Variants in KDM2B observed in about 807,000 individuals in gnomAD.
KDM2B encodes the protein lysine demethylase 2B, also known as lysine-specific demethylase 2B.
KDM2B carries 26 observed loss-of-function variants against 150.0 expected under a neutral mutation model. The ratio of observed to expected loss-of-function variants is 0.17; its 90% confidence interval spans 0.13 to 0.24. The LOEUF is 0.24. KDM2B is among the 10% of genes least tolerant of loss of function. The probability of loss-of-function intolerance (pLI) is 1.00; values close to 1 mark genes in which losing one functional copy is unlikely to be tolerated. For synonymous variants in KDM2B, 734 were observed against 729.5 expected (o/e 1.01, Z -0.10); for missense variants, 1,265 against 1,816.9 (o/e 0.70, Z 5.52).
At position 121,549,287 on chromosome 12, in the gene KDM2B, A is replaced by G. The variant is rs1889305568; in HGVS notation, c.576+173T>C. 6.6e-6 allele frequency among the ~76,000 whole-genome samples: 1 copy of G among 152,144 alleles called. No individual in the cohort carries two copies. The highest frequency in any genetic ancestry group is 2.1e-4 in the South Asian group (1 of 4,830). ...CAAGGCCAGCCTGGGCAACATAGCA[A>G]GATCCCTGTCTCTACAAACCACGTT... is the stretch of plus-strand genomic sequence containing the variant. On this transcript the variant is annotated intron_variant, in intron 5 of 22. Coordinates refer to ENST00000377071, the MANE Select transcript of KDM2B (RefSeq NM_032590.5). This position sits in a 1 kb window ranked among gnomAD's most constrained non-coding sequence, Gnocchi z 4.4.
intron 4 of KDM2B, among the ~76,000 whole-genome samples, chr12:121,552,501 T>C (rs1555311956): frequency 6.6e-6 from 1 of 151,842 alleles, no homozygotes; most frequent in Non-Finnish European, 1.5e-5. Context: ...GGCAAAACCC[T>C]ATCTCTACTA....
In KDM2B at chr12:121,430,006, C is replaced by T. The variant is rs782232022; in HGVS notation, c.*282G>A. The T allele has an allele frequency of 1.8e-5, 17 of 963,980 alleles. No individual in the cohort carries two copies. The highest frequency in any genetic ancestry group is 1.0e-4 in the South Asian group (8 of 76,276). The allele number at this position is 963,980 out of a possible 1,614,324, so 59.7% of individuals were successfully genotyped here. A position where few individuals can be genotyped will look rare whatever the true frequency, so the allele number is the denominator to read the frequency against. On this transcript the variant is annotated 3_prime_UTR_variant, in exon 23 of 23. Coordinates refer to ENST00000377071, the MANE Select transcript of KDM2B (RefSeq NM_032590.5). The surrounding 1 kb of genome is among the most constrained non-coding windows in gnomAD (Gnocchi z 4.4). ...TCATGCTTCAGTATGAGAATTTCTCCGAAGTCCACCCTCCTCTCCGACAGG... is the reference window on the plus strand; with the variant it reads ...TCATGCTTCAGTATGAGAATTTCTCTGAAGTCCACCCTCCTCTCCGACAGG...
chr12:121,485,977 A>G (rs1555298838), intron 12 of KDM2B, among the ~76,000 whole-genome samples: 3 of 151,726 alleles, frequency 2.0e-5, no homozygotes, highest in African/African-American at 7.3e-5. Context: ...GGGTTTCACC[A>G]TGTTTGCCAG....
the KDM2B span, chr12:121,417,628 G>A: frequency 1.2e-6 from 2 of 1,614,158 alleles, no homozygotes; most frequent in Non-Finnish European, 1.7e-6. The surrounding 1 kb of genome is among the most constrained non-coding windows in gnomAD (Gnocchi z 5.0). Context: ...CAGTTAATGC[G>A]ACTGAAGGTG....
At position 121,549,979 on chromosome 12, in the gene KDM2B, C is replaced by A. The variant is rs1003630002; in HGVS notation, c.398-341G>T. On this transcript the variant is annotated intron_variant, in intron 4 of 22. Coordinates refer to ENST00000377071, the MANE Select transcript of KDM2B (RefSeq NM_032590.5). The surrounding 1 kb of genome is among the most constrained non-coding windows in gnomAD (Gnocchi z 4.4). ...TCACCTGAGGTCAGGAGTTTGAGAC[C>A]AGCCTGGCCAACATGGTGAAACCCT... Among the ~76,000 whole-genome samples, 4 of 152,268 alleles carry A rather than the reference C, an allele frequency of 2.6e-5. No homozygotes were observed. The highest frequency in any genetic ancestry group is 9.6e-5 in the African/African-American group (4 of 41,578).
chr12:121,445,478 G>A (rs1219883063), intron 13 of KDM2B, 60 bp from the exon 14 acceptor site: 2 of 1,507,732 alleles, frequency 1.3e-6, no homozygotes, highest in South Asian at 1.3e-5. Flanking sequence ...ACCCCCAGGG[G>A]GGCCAGTTCA....
At chr12:121,443,529 A>C in intron 17 of KDM2B, 151 bp downstream of exon 17, 1 of 641,766 alleles carries the variant, frequency 1.6e-6, no homozygotes, top group Admixed American at 2.5e-5. Flanking sequence ...CCAGGCCCCA[A>C]GCCAGAACCA....
At chr12:121,466,251 C>A (rs1879898408) in intron 12 of KDM2B, among the ~76,000 whole-genome samples, 1 of 152,194 alleles carries the variant, frequency 6.6e-6, no homozygotes, top group African/African-American at 2.4e-5. Flanking sequence ...CATGCTAACT[C>A]AATCCATCCC....
At chr12:121,566,331 AC>A (rs1267408278) in intron 4 of KDM2B, among the ~76,000 whole-genome samples, 1 of 152,116 alleles carries the variant, frequency 6.6e-6, no homozygotes, top group Non-Finnish European at 1.5e-5. Context: ...TACTCAAAAT[AC>A]AAAAATTGGC....
At chr12:121,552,362 T>C (rs1889567825) in intron 4 of KDM2B, among the ~76,000 whole-genome samples, 1 of 152,166 alleles carries the variant, frequency 6.6e-6, no homozygotes, top group Admixed American at 6.6e-5. Context: ...CTTGATCGTA[T>C]GCTAAGGTTG....
intron 6 of KDM2B, chr12:121,536,085 G>C (rs766876352): frequency 3.4e-4 from 332 of 985,724 alleles, no homozygotes; most frequent in Non-Finnish European, 3.7e-4. Context: ...GGGCGGGGAC[G>C]GACAGGGAGG....
intron 12 of KDM2B, among the ~76,000 whole-genome samples, chr12:121,478,965 G>A (rs1344874744): frequency 1.3e-5 from 2 of 151,178 alleles, no homozygotes; most frequent in East Asian, 2.0e-4. Flanking sequence ...TGATCTTCCC[G>A]CCTTGGCCTC....
intron 1 of KDM2B, 30 bp downstream of exon 1, chr12:121,580,756 T>A (rs781862340): frequency 6.2e-7 from 1 of 1,606,398 alleles, no homozygotes; most frequent in East Asian, 2.3e-5. Context: ...CCTCTTCCTC[T>A]TCTTTCATCC....
intron 4 of KDM2B, among the ~76,000 whole-genome samples, chr12:121,562,334 A>G (rs1286384980): frequency 2.7e-5 from 4 of 150,852 alleles, no homozygotes; most frequent in Non-Finnish European, 4.4e-5. Context: ...AATACAAAAA[A>G]TTAGCCGGGC....
At chr12:121,416,147 G>T in the KDM2B span, 1 of 1,611,230 alleles carries the variant, frequency 6.2e-7, no homozygotes, top group Non-Finnish European at 8.5e-7. Flanking sequence ...TGGGATTTGT[G>T]TTCCTTTTTA....
At chr12:121,472,938 A>C (rs781813512) in intron 12 of KDM2B, among the ~76,000 whole-genome samples, 7 of 151,790 alleles carry the variant, frequency 4.6e-5, no homozygotes, top group Non-Finnish European at 7.4e-5. Flanking sequence ...TTTTTTTTTT[A>C]TAACAAGATA....
At chr12:121,500,029 T>C (rs377410671) in intron 11 of KDM2B, among the ~76,000 whole-genome samples, 2 of 152,140 alleles carry the variant, frequency 1.3e-5, no homozygotes, top group African/African-American at 4.8e-5. Flanking sequence ...CTCACACTCA[T>C]ACCTCCCGTT....
rs568706025 is a variant in KDM2B, at chr12:121,446,167, G to A, written c.1960-749C>T. On this transcript the variant is annotated intron_variant, in intron 13 of 22. Transcript: ENST00000377071. The stretch of plus-strand genomic sequence containing the variant: ...TCCCAGCACTTTGGGAGGCCAAGGC[G>A]GGCGGATCACAAGGTCAGGAGATCG... Among the ~76,000 whole-genome samples the A allele has an allele frequency of 5.3e-5, 8 of 152,202 alleles. No homozygotes were observed. In the South Asian group the frequency reaches 6.2e-4, roughly 12 times the overall value.
At chr12:121,488,625 TG>T (rs1478106447) in intron 12 of KDM2B, among the ~76,000 whole-genome samples, 2 of 152,170 alleles carry the variant, frequency 1.3e-5, no homozygotes, top group Admixed American at 6.6e-5. Context: ...ATTTATGTAT[TG>T]GTTTTTGTTT....
Sources: allele counts gnomAD v4.1 joint callset (sites outside exome capture counted in the v4.1 genomes callset), GRCh38; gene constraint gnomAD v4.1.1; non-coding constraint Gnocchi (gnomAD v3.1); transcripts MANE v1.5; gene names NCBI Gene and HGNC (gene_info 2026-07-23, HGNC 2026-07-21).